Variants in TIAM1 observed in about 807,000 individuals in gnomAD.
The protein encoded by TIAM1 is rho guanine nucleotide exchange factor TIAM1.
TIAM1 carries 65 observed loss-of-function variants against 163.5 expected under a neutral mutation model. The observed-to-expected ratio is 0.40, with a 90% confidence interval of 0.33 to 0.49. The LOEUF (loss-of-function observed/expected upper bound fraction) is 0.49. Ranked by LOEUF, TIAM1 falls within the 20% of genes least tolerant of loss-of-function variation. The pLI is 0.77. For missense variants in TIAM1, 1,789 were observed against 2,044.7 expected, an observed-to-expected ratio of 0.87 and a Z score of 2.41; for synonymous variants, 833 against 810.1, an observed-to-expected ratio of 1.03 and a Z score of -0.48.
At chr21:31,191,687 A>G (rs1249997098) in intron 13 of TIAM1, among the ~76,000 whole-genome samples, 3 of 152,240 alleles carry the variant, frequency 2.0e-5, no homozygotes, top group Non-Finnish European at 4.4e-5. Flanking sequence ...GTTGGGAAGC[A>G]CTGTTTGTAA....
At chr21:31,320,055 T>G (rs1245759618) in intron 2 of TIAM1, among the ~76,000 whole-genome samples, 1 of 152,054 alleles carries the variant, frequency 6.6e-6, no homozygotes, top group African/African-American at 2.4e-5. Context: ...AAATGCTCAT[T>G]TACAGAGGAA....
intron 2 of TIAM1, among the ~76,000 whole-genome samples, chr21:31,446,762 G>T (rs505745): frequency 0.82 from 124,860 of 152,150 alleles, 51,595 homozygotes; most frequent in East Asian, 0.92. Flanking sequence ...CCACCAGAGC[G>T]TTTTCGTGCA....
At chr21:31,174,114 G>T (rs1025879310) in intron 15 of TIAM1, among the ~76,000 whole-genome samples, 4 of 152,222 alleles carry the variant, frequency 2.6e-5, no homozygotes, top group African/African-American at 9.6e-5. Flanking sequence ...TGTGGGAAGA[G>T]AAATCTGTGC....
At chr21:31,412,154 G>T (rs531055736) in intron 2 of TIAM1, among the ~76,000 whole-genome samples, 1 of 152,148 alleles carries the variant, frequency 6.6e-6, no homozygotes, top group Non-Finnish European at 1.5e-5. Context: ...GGAACTGGAC[G>T]CCGTTATCTT....
chr21:31,396,269 G>C (rs979923229), intron 2 of TIAM1, among the ~76,000 whole-genome samples: 1 of 152,122 alleles, frequency 6.6e-6, no homozygotes, highest in Non-Finnish European at 1.5e-5. Context: ...CTGTGACCTC[G>C]GCGCCTGCCC....
chr21:31,130,261 G>A lies in TIAM1; in HGVS notation c.3997C>T (p.His1333Tyr). 1.2e-6 allele frequency: 2 copies of A among 1,614,138 alleles called. No individual in the cohort carries two copies. Among genetic ancestry groups the A allele is most frequent in the Non-Finnish European group, 1.7e-6 (2 of 1,180,006 alleles). Residue 1333 changes from histidine to tyrosine, a missense_variant, in exon 25 of 28, where the codon CAC (histidine) becomes TAC (tyrosine). This residue lies in a region of TIAM1 where 415 missense variants were observed against 439.2 expected (regional missense o/e 0.94). Transcript: ENST00000541036. Reference sequence around the variant, plus strand: ...TGCAGCGCTTCCGTGGGGATCATGTGTCGAAATCTGAAGGGGTCCCAGTCC... The same window carrying A: ...TGCAGCGCTTCCGTGGGGATCATGTATCGAAATCTGAAGGGGTCCCAGTCC... ...YEDWDPFRFRHMIPTEALQVR... is the reference protein window; with the variant it reads ...YEDWDPFRFRYMIPTEALQVR...
intron 2 of TIAM1, among the ~76,000 whole-genome samples, chr21:31,285,233 G>T (rs2073754503): frequency 6.6e-6 from 1 of 152,278 alleles, no homozygotes; most frequent in Non-Finnish European, 1.5e-5. Flanking sequence ...GCACACAGAG[G>T]GGTGTGGCCA....
At chr21:31,235,624 A>T (rs1713056110) in intron 6 of TIAM1, among the ~76,000 whole-genome samples, 1 of 152,234 alleles carries the variant, frequency 6.6e-6, no homozygotes, top group Admixed American at 6.5e-5. Flanking sequence ...TCATGAGGCG[A>T]AGAGGGCAAA....
chr21:31,146,931 C>A lies in TIAM1; in HGVS notation c.3439G>T (p.Ala1147Ser). 1 of 1,613,410 alleles carries A rather than the reference C, an allele frequency of 6.2e-7. No homozygotes were observed. Among genetic ancestry groups the A allele is most frequent in the Non-Finnish European group, 8.5e-7 (1 of 1,179,918 alleles). ...DRFKLYSAFC[A>S]SHTKVPKVLV... ...ACCTTGGGAACTTTTGTGTGGCTGG[C>A]GCAGAAGGCACTGTAGAGCTTGAAG... Residue 1147 changes from alanine to serine, a missense_variant, in exon 20 of 28, where the codon GCC becomes TCC. Ala to Ser is a moderately conservative substitution (Grantham distance 99). This residue lies in a region of TIAM1 where 60 missense variants were observed against 132.6 expected (regional missense o/e 0.45). Coordinates refer to ENST00000541036, the MANE Select transcript of TIAM1 (RefSeq NM_001353694.2).
At chr21:31,327,977 T>C (rs1234272807) in intron 2 of TIAM1, among the ~76,000 whole-genome samples, 2 of 152,016 alleles carry the variant, frequency 1.3e-5, no homozygotes, top group Non-Finnish European at 2.9e-5. Context: ...ACGACCCTCC[T>C]CTGTCTTCAT....
chr21:31,210,155 C>T lies in TIAM1; in HGVS notation c.2278G>A (p.Val760Ile). 6.2e-7 allele frequency: 1 copy of T among 1,614,088 alleles called. No homozygotes were observed. Residue 760 changes from valine to isoleucine, a missense_variant, in exon 11 of 28, where the codon GTC becomes ATC. Val to Ile is a conservative substitution (Grantham distance 29). This residue lies in a region of TIAM1 where 456 missense variants were observed against 586.6 expected (regional missense o/e 0.78). Coordinates refer to ENST00000541036, the MANE Select transcript of TIAM1 (RefSeq NM_001353694.2). Reference sequence around the variant, plus strand: ...CAGGATGGAGTGAAATACTCGTGGACCCAAATGTCGCAGTCAGGGTTGTGC... The same window carrying T: ...CAGGATGGAGTGAAATACTCGTGGATCCAAATGTCGCAGTCAGGGTTGTGC... ...HQHNPDCDIW[V>I]HEYFTPSWFC... is the part of the protein sequence containing the mutation.
intron 2 of TIAM1, among the ~76,000 whole-genome samples, chr21:31,289,419 C>T (rs1192466941): frequency 3.3e-5 from 5 of 152,144 alleles, no homozygotes; most frequent in African/African-American, 9.7e-5. Flanking sequence ...AAGTCAAAAC[C>T]CACGGGCATC....
intron 2 of TIAM1, among the ~76,000 whole-genome samples, chr21:31,354,686 G>A (rs1487338724): frequency 6.6e-6 from 1 of 152,198 alleles, no homozygotes; most frequent in Non-Finnish European, 1.5e-5. Flanking sequence ...GGATGACACA[G>A]TTCCTGGCAC....
At chr21:31,394,951 A>G (rs901509963) in intron 2 of TIAM1, among the ~76,000 whole-genome samples, 1 of 152,058 alleles carries the variant, frequency 6.6e-6, no homozygotes, top group African/African-American at 2.4e-5. Context: ...AAAACTAGTA[A>G]GTGGGGCCAG....
chr21:31,247,188 G>T (rs1045783290), intron 5 of TIAM1, among the ~76,000 whole-genome samples: 1 of 151,832 alleles, frequency 6.6e-6, no homozygotes, highest in African/African-American at 2.4e-5. Flanking sequence ...AGACATGCCT[G>T]CGGTTCCAGC....
At chr21:31,378,167 AG>A (rs908750076) in intron 2 of TIAM1, among the ~76,000 whole-genome samples, 6 of 151,646 alleles carry the variant, frequency 4.0e-5, no homozygotes, top group African/African-American at 1.5e-4. Flanking sequence ...AGTCATTAAA[AG>A]CTGCAGGAGA....
chr21:31,127,412 C>CTTTTTTTTTTT (rs199978005), intron 25 of TIAM1, among the ~76,000 whole-genome samples: 4 of 140,734 alleles, frequency 2.8e-5, no homozygotes, highest in Non-Finnish European at 4.7e-5. Context: ...ATGGACCGAA[C>CTTTTTTTTTTT]TTTTTTTTTT....
chr21:31,353,191 A>T (rs531439869), intron 2 of TIAM1, among the ~76,000 whole-genome samples: 11 of 152,346 alleles, frequency 7.2e-5, no homozygotes, highest in African/African-American at 2.2e-4. Context: ...AAAGGGTCAG[A>T]TATGAGTCCA....
intron 2 of TIAM1, among the ~76,000 whole-genome samples, chr21:31,295,632 T>C (rs1046537757): frequency 1.3e-5 from 2 of 152,120 alleles, no homozygotes; most frequent in African/African-American, 2.4e-5. Flanking sequence ...TGAAATTCTT[T>C]ATGATGAACA....
Sources: allele counts gnomAD v4.1 joint callset (sites outside exome capture counted in the v4.1 genomes callset), GRCh38; gene constraint gnomAD v4.1.1; regional missense constraint gnomAD v4.1.1; transcripts MANE v1.5; gene names NCBI Gene and HGNC (gene_info 2026-07-23, HGNC 2026-07-21).